The following TRAF5 variants were observed in gnomAD, a reference collection of about 807,000 sequenced individuals.
TRAF5 encodes TNF receptor-associated factor 5.
TRAF5 carries 48 observed loss-of-function variants against 64.5 expected under a neutral mutation model. The observed-to-expected ratio is 0.74, with a 90% CI of 0.59 to 0.95. The LOEUF (loss-of-function observed/expected upper bound fraction) is 0.95, where lower values mean the gene tolerates loss of function less well. TRAF5 is among the 40% of genes least tolerant of loss of function. TRAF5 has a pLI of 0.00. For synonymous variants in TRAF5, 206 were observed against 240.5 expected (o/e 0.86, Z 1.33); for missense variants, 545 against 662.8 (o/e 0.82, Z 1.95).
Position 211,374,898 on chromosome 1 carries a change from A to G in TRAF5, c.*2196A>G, listed in dbSNP as rs1046838118. On this transcript the variant is annotated 3_prime_UTR_variant, in exon 11 of 11. Coordinates refer to ENST00000261464, the MANE Select transcript of TRAF5 (RefSeq NM_001033910.3). ...TCATCATCGAAATAGTGATTAAGTGATCCCAGAACAAGGAATACTAGAGTA... is the reference window on the plus strand; with the variant it reads ...TCATCATCGAAATAGTGATTAAGTGGTCCCAGAACAAGGAATACTAGAGTA... 1 of 152,228 alleles carries G rather than the reference A, an allele frequency of 6.6e-6. No homozygotes were observed. Among genetic ancestry groups the G allele is most frequent in the Non-Finnish European group, 1.5e-5 (1 of 68,038 alleles). 9.4% of individuals were successfully genotyped at this position (152,228 alleles called of 1,614,324 possible). A position where few individuals can be genotyped will look rare whatever the true frequency, so the allele number is the denominator to read the frequency against.
At chr1:211,354,328 T>C in intron 2 of TRAF5, 82 bp from the exon 3 acceptor site, 1 of 1,367,430 alleles carries the variant, frequency 7.3e-7, no homozygotes, top group Non-Finnish European at 1.0e-6. Context: ...GGCTAGAGCA[T>C]GGCTGGAGCC....
At chr1:211,350,488 A>T (rs1440399988) in intron 1 of TRAF5, among the ~76,000 whole-genome samples, 1 of 152,044 alleles carries the variant, frequency 6.6e-6, no homozygotes, top group African/African-American at 2.4e-5. Context: ...ACTGGGGAGG[A>T]TACAGTCTTG....
intron 4 of TRAF5, chr1:211,359,157 G>A (rs1313798665): frequency 1.3e-5 from 2 of 152,012 alleles, no homozygotes; most frequent in Non-Finnish European, 2.9e-5. Flanking sequence ...GGGTCTCACT[G>A]TGTTGCCCAG....
chr1:211,365,198 A>G (rs1703311423), intron 7 of TRAF5, among the ~76,000 whole-genome samples, 178 bp from the exon 8 acceptor site: 2 of 152,022 alleles, frequency 1.3e-5, no homozygotes, highest in Middle Eastern at 3.2e-3. Context: ...AACAAACTAA[A>G]GCTGGAAAAG....
chr1:211,342,651 C>T (rs533586155), intron 1 of TRAF5, among the ~76,000 whole-genome samples: 15 of 152,280 alleles, frequency 9.9e-5, no homozygotes, highest in African/African-American at 3.4e-4. Context: ...TTCCCCCACC[C>T]CACAACTACC....
chr1:211,327,334 G>A (rs949173360), intron 1 of TRAF5, among the ~76,000 whole-genome samples: 6 of 152,196 alleles, frequency 3.9e-5, no homozygotes, highest in Admixed American at 1.3e-4. Flanking sequence ...GCACCCGAAG[G>A]CACCCTCTCC....
chr1:211,339,712 ACCTGGGGTGTG>A (rs377473970), intron 1 of TRAF5, among the ~76,000 whole-genome samples: 33 of 152,284 alleles, frequency 2.2e-4, no homozygotes, highest in African/African-American at 6.5e-4. Context: ...TGGGCAGGGC[ACCTGGGGTGTG>A]CCTGGGGTGT....
chr1:211,329,681 G>T (rs1702107811), intron 1 of TRAF5, among the ~76,000 whole-genome samples: 1 of 152,204 alleles, frequency 6.6e-6, no homozygotes, highest in South Asian at 2.1e-4. Flanking sequence ...CTTTGTCACT[G>T]ATCAGGGGTC....
intron 1 of TRAF5, among the ~76,000 whole-genome samples, chr1:211,341,093 T>C (rs1226974087): frequency 6.6e-6 from 1 of 152,126 alleles, no homozygotes. Flanking sequence ...CTCCATGCAG[T>C]GGGCACACCC....
rs1036144670 is a variant in TRAF5 at position 211,329,032 on chromosome 1, C to G, written c.-2+2143C>G. Among the ~76,000 whole-genome samples the G allele has an allele frequency of 7.2e-5, 11 of 152,174 alleles. No individual in the cohort carries two copies. The East Asian group carries it at 2.1e-3, about 29-fold the overall frequency. ...CATATCTGCCCACCTCTTCCTCCGT[C>G]TGAGGGGTCAGCAAGGGGACCCAGA... is the stretch of plus-strand genomic sequence containing the variant. On this transcript the variant is annotated intron_variant, in intron 1 of 10. Coordinates refer to ENST00000261464, the MANE Select transcript of TRAF5 (RefSeq NM_001033910.3).
chr1:211,356,677 C>T (rs1045246680), intron 4 of TRAF5: 20 of 482,872 alleles, frequency 4.1e-5, no homozygotes, highest in African/African-American at 3.3e-4. Flanking sequence ...CTGTATGGAG[C>T]GCATGGAGGA....
At chr1:211,348,260 CTTTTG>C (rs1250394796) in intron 1 of TRAF5, among the ~76,000 whole-genome samples, 1 of 152,092 alleles carries the variant, frequency 6.6e-6, no homozygotes, top group African/African-American at 2.4e-5. Flanking sequence ...CTCACTAATT[CTTTTG>C]TTTTGGAAAA....
intron 1 of TRAF5, among the ~76,000 whole-genome samples, chr1:211,350,494 T>C (rs561286571): frequency 5.3e-4 from 81 of 151,786 alleles, no homozygotes; most frequent in African/African-American, 1.9e-3. Flanking sequence ...GAGGATACAG[T>C]CTTGAGCCTG....
intron 7 of TRAF5, among the ~76,000 whole-genome samples, chr1:211,361,495 T>C (rs1394744548): frequency 6.6e-6 from 1 of 152,198 alleles, no homozygotes; most frequent in East Asian, 1.9e-4. Flanking sequence ...TAGTGTTTGC[T>C]CTGAAGGCCT....
In TRAF5 at chr1:211,369,711, A is replaced by C. The variant is rs906865344; in HGVS notation, c.930+119A>C. ...TATACAGAAAAGCTGTAAGAATAAG[A>C]TGGTGCAAAGAACACTTGTATAACC... On this transcript the variant is annotated intron_variant, in intron 9 of 10. Coordinates refer to ENST00000261464, the MANE Select transcript of TRAF5 (RefSeq NM_001033910.3). The C allele has an allele frequency of 3.4e-6, 4 of 1,173,090 alleles. No homozygotes were observed. In the African/African-American group the frequency reaches 4.7e-5, roughly 14 times the overall value. 72.7% of individuals were successfully genotyped at this position (1,173,090 alleles called of 1,614,324 possible).
At chr1:211,365,610 G>C in intron 8 of TRAF5, 142 bp downstream of exon 8, 1 of 631,718 alleles carries the variant, frequency 1.6e-6, no homozygotes, top group African/African-American at 1.9e-5. Context: ...TGGCCAAACA[G>C]GCTCATAGGA....
chr1:211,340,108 C>T (rs1007812088), intron 1 of TRAF5, among the ~76,000 whole-genome samples: 5 of 151,958 alleles, frequency 3.3e-5, no homozygotes, highest in Non-Finnish European at 7.3e-5. Flanking sequence ...CCCCTTTCTT[C>T]AGAGTACCCT....
rs1702970597 is a variant in TRAF5 at position 211,356,462 on chromosome 1, G to A, written c.372G>A (p.Arg124=). 4 of 1,613,944 alleles carry A rather than the reference G, an allele frequency of 2.5e-6. No homozygotes were observed. The highest frequency in any genetic ancestry group is 1.7e-5 in the Admixed American group (1 of 60,026). ...PGCNAKVILG[R]YQDHLQQCLF... is the part of the protein sequence containing the mutation. ...GTAATGCCAAGGTTATTCTGGGCCG[G>A]TACCAGGTTGGTATTACTCATGAAC... is the stretch of plus-strand genomic sequence containing the variant. Residue 124 remains arginine, a synonymous_variant, in exon 4 of 11, where the codon CGG becomes CGA. Coordinates refer to ENST00000261464, the MANE Select transcript of TRAF5 (RefSeq NM_001033910.3).
At chr1:211,336,076 GA>G (rs1702282753) in intron 1 of TRAF5, among the ~76,000 whole-genome samples, 1 of 152,138 alleles carries the variant, frequency 6.6e-6, no homozygotes, top group Non-Finnish European at 1.5e-5. Context: ...AATCAACATT[GA>G]ACAGAGTGAG....
Sources: allele counts gnomAD v4.1 joint callset (sites outside exome capture counted in the v4.1 genomes callset), GRCh38; gene constraint gnomAD v4.1.1; transcripts MANE v1.5; gene names NCBI Gene and HGNC (gene_info 2026-07-23, HGNC 2026-07-21).